FAT3: variants seen among roughly 807,000 people sequenced by gnomAD.
FAT3 encodes the protein FAT atypical cadherin 3.
Under a neutral mutation model 310.2 loss-of-function variants are expected in FAT3, and 95 were observed. The observed-to-expected ratio is 0.31, with a 90% CI of 0.26 to 0.36. FAT3 has a LOEUF of 0.36. Ranked by LOEUF, FAT3 falls within the 10% of genes least tolerant of loss-of-function variation. The pLI is 1.00. For missense variants in FAT3, 5,408 were observed against 5,715.6 expected, an observed-to-expected ratio of 0.95 and a Z score of 1.74; for synonymous variants, 2,314 against 2,192.9, an observed-to-expected ratio of 1.06 and a Z score of -1.54.
At chr11:92,676,767 G>A (rs1943301340) in intron 3 of FAT3, among the ~76,000 whole-genome samples, 1 of 152,104 alleles carries the variant, frequency 6.6e-6, no homozygotes, top group Non-Finnish European at 1.5e-5. Flanking sequence ...TGAAAGAGGA[G>A]AGACTTTAAT....
intron 2 of FAT3, among the ~76,000 whole-genome samples, chr11:92,484,963 G>T (rs1184662737): frequency 6.6e-6 from 1 of 152,168 alleles, no homozygotes; most frequent in African/African-American, 2.4e-5. Context: ...AATGTATGTG[G>T]CACACATATG....
chr11:92,483,787 G>A (rs904104745), intron 2 of FAT3, among the ~76,000 whole-genome samples: 1 of 152,112 alleles, frequency 6.6e-6, no homozygotes, highest in Non-Finnish European at 1.5e-5. Flanking sequence ...CATAGTATCT[G>A]GCACAGAGAA....
At chr11:92,650,497 A>C (rs1942336261) in intron 3 of FAT3, among the ~76,000 whole-genome samples, 1 of 152,206 alleles carries the variant, frequency 6.6e-6, no homozygotes, top group Admixed American at 6.5e-5. Context: ...GTTCCTTAGC[A>C]CAGAGTCTTT....
chr11:92,764,888 G>C lies in FAT3; in HGVS notation c.3994G>C (p.Val1332Leu). Reference protein sequence around the residue: ...GSYDILTIKAVDNGRPQKSST... With the variant: ...GSYDILTIKALDNGRPQKSST... ...CTCCCTGTGTGAGTAGATAAAGGCA[G>C]TGGACAATGGGCGCCCACAGAAATC... Residue 1332 changes from valine to leucine, a missense_variant, in exon 6 of 28, where the codon GTG (valine) becomes CTG (leucine). This residue lies in a region of FAT3 where 4,588 missense variants were observed against 4,809.8 expected (regional missense o/e 0.95). Coordinates refer to ENST00000525166, the MANE Select transcript of FAT3 (RefSeq NM_001367949.2). The C allele has an allele frequency of 6.2e-7, 1 of 1,613,634 alleles. No individual in the cohort carries two copies. The highest frequency in any genetic ancestry group is 8.5e-7 in the Non-Finnish European group (1 of 1,179,692).
At chr11:92,814,816 T>C (rs976024065) in intron 13 of FAT3, among the ~76,000 whole-genome samples, 9 of 152,128 alleles carry the variant, frequency 5.9e-5, no homozygotes, top group African/African-American at 2.2e-4. Flanking sequence ...CCATGGCACA[T>C]ATATACCTGT....
chr11:92,382,383 T>C (rs1433734309), intron 2 of FAT3, among the ~76,000 whole-genome samples: 1 of 152,202 alleles, frequency 6.6e-6, no homozygotes, highest in Non-Finnish European at 1.5e-5. Flanking sequence ...TTGTACAGTT[T>C]TCATTTGGTA....
At chr11:92,520,492 A>G (rs956733223) in intron 2 of FAT3, among the ~76,000 whole-genome samples, 1 of 152,106 alleles carries the variant, frequency 6.6e-6, no homozygotes, top group Non-Finnish European at 1.5e-5. Context: ...AAATACCTCA[A>G]TTTTTAAAAA....
chr11:92,509,787 T>C (rs1309748914), intron 2 of FAT3, among the ~76,000 whole-genome samples: 1 of 152,140 alleles, frequency 6.6e-6, no homozygotes, highest in Non-Finnish European at 1.5e-5. Flanking sequence ...AATATACTGC[T>C]TTGGGGTGAA....
chr11:92,243,726 AGCCACAG>A (rs1387492465), intron 1 of FAT3, among the ~76,000 whole-genome samples: 1 of 152,036 alleles, frequency 6.6e-6, no homozygotes, highest in East Asian at 1.9e-4. Flanking sequence ...CTACCAGATG[AGCCACAG>A]TACTTTGGTT....
intron 1 of FAT3, among the ~76,000 whole-genome samples, chr11:92,303,992 GT>G (rs1330324118): frequency 2.0e-5 from 3 of 152,144 alleles, no homozygotes; most frequent in Non-Finnish European, 4.4e-5. Flanking sequence ...AACATATTCT[GT>G]TTGATATTTT....
intron 2 of FAT3, among the ~76,000 whole-genome samples, chr11:92,382,036 A>G (rs1445632515): frequency 6.6e-6 from 1 of 152,184 alleles, no homozygotes; most frequent in Admixed American, 6.5e-5. Flanking sequence ...CCAGGATATC[A>G]AGGAGAAAAT....
intron 3 of FAT3, among the ~76,000 whole-genome samples, chr11:92,681,850 G>C (rs1404214364): frequency 1.3e-5 from 2 of 152,154 alleles, no homozygotes; most frequent in Non-Finnish European, 2.9e-5. Flanking sequence ...TGGGAGGGAG[G>C]AGGAGGGGGG....
In FAT3 at chr11:92,488,733, A is replaced by G. The variant is rs567183687; in HGVS notation, c.3293-35901A>G. 1.6e-4 allele frequency among the ~76,000 whole-genome samples: 24 copies of G among 152,026 alleles called. 1 individual carries two copies. In the South Asian group the frequency reaches 5.0e-3, roughly 32 times the overall value. ...ATACTTACCTTTCAGTTTAAGTGTT[A>G]TTTGCTCAGCAAAGCCTTCTCCCAC... On this transcript the variant is annotated intron_variant, in intron 2 of 27. Transcript: ENST00000525166.
chr11:92,565,373 T>G (rs10830932), intron 3 of FAT3, among the ~76,000 whole-genome samples: 41,821 of 101,874 alleles, frequency 0.41, 10,275 homozygotes, highest in East Asian at 0.7. Context: ...AATAACAGGA[T>G]CTGAAATTGT....
Position 92,420,518 on chromosome 11 carries a change from T to C in FAT3, c.3292+65114T>C, listed in dbSNP as rs548231169. On this transcript the variant is annotated intron_variant, in intron 2 of 27. Coordinates refer to ENST00000525166, the MANE Select transcript of FAT3 (RefSeq NM_001367949.2). ...GTGGGATTTCACATCAAAGTTCTTG[T>C]CCTGAAGGATTCAGCAGTTCCAGAA... Among the ~76,000 whole-genome samples, 46 of 152,298 alleles carry C rather than the reference T, an allele frequency of 3.0e-4. No homozygotes were observed. In the South Asian group the frequency reaches 8.7e-3, roughly 29 times the overall value.
rs753536137 is a variant in FAT3 at position 92,353,236 on chromosome 11, G to A, written c.1124G>A (p.Arg375Lys). 6.2e-7 allele frequency: 1 copy of A among 1,613,730 alleles called. No individual in the cohort carries two copies. ...CCCACAAGAGACACTGTCCCCATTA[G>A]ATTTGAAAAAGAAGTGTACGATGTG... ...GNPTRDTVPI[R>K]FEKEVYDVSI... The change falls in exon 2 of 28, where the codon AGA (arginine) becomes AAA (lysine). Residue 375 changes from arginine to lysine, a missense_variant. Arg to Lys is a conservative substitution (Grantham distance 26). Around this residue, in one of 5 missense-constraint regions of FAT3, gnomAD observed 4,588 missense variants for 4,809.8 expected, o/e 0.95. Coordinates refer to ENST00000525166, the MANE Select transcript of FAT3 (RefSeq NM_001367949.2).
chr11:92,393,289 C>G (rs1009198348), intron 2 of FAT3, among the ~76,000 whole-genome samples: 2 of 151,938 alleles, frequency 1.3e-5, no homozygotes, highest in Admixed American at 6.6e-5. Context: ...TCTCTGGGGA[C>G]TGGGGAGAGG....
At chr11:92,396,166 G>A (rs936734512) in intron 2 of FAT3, among the ~76,000 whole-genome samples, 2 of 152,096 alleles carry the variant, frequency 1.3e-5, no homozygotes, top group African/African-American at 4.8e-5. Flanking sequence ...AATCTGAAGG[G>A]AATGGTGCAC....
intron 1 of FAT3, among the ~76,000 whole-genome samples, chr11:92,250,441 T>TTAA (rs1425085188): frequency 6.6e-6 from 1 of 152,154 alleles, no homozygotes; most frequent in Non-Finnish European, 1.5e-5. Flanking sequence ...TTGTACAATA[T>TTAA]TAATGCCCAG....
Sources: allele counts gnomAD v4.1 joint callset (sites outside exome capture counted in the v4.1 genomes callset), GRCh38; gene constraint gnomAD v4.1.1; regional missense constraint gnomAD v4.1.1; transcripts MANE v1.5; gene names NCBI Gene and HGNC (gene_info 2026-07-23, HGNC 2026-07-21).